The following HABP4 variants were observed in gnomAD, a reference collection of about 807,000 sequenced individuals.
HABP4 encodes the protein hyaluronan binding protein 4, also known as intracellular hyaluronan-binding protein 4.
A neutral mutation model predicts 44.1 loss-of-function variants in HABP4; 32 were observed. The ratio of observed to expected loss-of-function variants is 0.73; its 90% CI spans 0.55 to 0.97. The LOEUF (loss-of-function observed/expected upper bound fraction) is 0.97, where lower values mean the gene tolerates loss of function less well. Ranked by LOEUF, HABP4 falls within the 50% of genes least tolerant of loss-of-function variation. The pLI, the probability that HABP4 is intolerant of heterozygous loss-of-function variation, is 0.00. For synonymous variants in HABP4, 216 were observed against 218.0 expected, an observed-to-expected ratio of 0.99 and a Z score of 0.08; for missense variants, 503 against 561.9, an observed-to-expected ratio of 0.90 and a Z score of 1.06.
intron 2 of HABP4, among the ~76,000 whole-genome samples, chr9:96,462,125 GAC>G (rs1364520289): frequency 2.0e-5 from 3 of 147,440 alleles, no homozygotes; most frequent in Admixed American, 1.4e-4. Flanking sequence ...TATCCTGTGT[GAC>G]ATAGTGAGAT....
At chr9:96,453,165 C>G (rs1402414045) in intron 1 of HABP4, among the ~76,000 whole-genome samples, 1 of 144,218 alleles carries the variant, frequency 6.9e-6, no homozygotes, top group Non-Finnish European at 1.5e-5. Flanking sequence ...CTCCCCGGTT[C>G]AAGCGATTCT....
At chr9:96,454,255 A>C (rs997294150) in intron 1 of HABP4, among the ~76,000 whole-genome samples, 1 of 152,252 alleles carries the variant, frequency 6.6e-6, no homozygotes, top group African/African-American at 2.4e-5. Context: ...GGTTGGAAAT[A>C]GGAAATCTGA....
chr9:96,469,409 C>T (rs760739873), intron 4 of HABP4, among the ~76,000 whole-genome samples: 7 of 152,162 alleles, frequency 4.6e-5, no homozygotes, highest in Non-Finnish European at 8.8e-5. Flanking sequence ...AAGTGTGTAA[C>T]ATCATTTTAT....
chr9:96,455,263 C>T (rs187861759), intron 1 of HABP4, among the ~76,000 whole-genome samples: 3 of 152,002 alleles, frequency 2.0e-5, no homozygotes, highest in Non-Finnish European at 2.9e-5. Context: ...CCAGCCTGGC[C>T]AACATGGTGA....
rs921979250 is a variant in HABP4 at position 96,488,427 on chromosome 9, T to C, written c.1185+153T>C. Among the ~76,000 whole-genome samples the C allele has an allele frequency of 2.0e-5, 3 of 152,182 alleles. No homozygotes were observed. The highest frequency in any genetic ancestry group is 4.4e-5 in the Non-Finnish European group (3 of 68,030). ...ATGTTGGGGCATTTGGACGGTGTTG[T>C]AGCATCATGGACATCTTGCCTAGAG... On this transcript the variant is annotated intron_variant, in intron 7 of 7. Transcript: ENST00000375249. This position sits in a 1 kb window ranked among gnomAD's most constrained non-coding sequence, Gnocchi z 4.6.
intron 2 of HABP4, among the ~76,000 whole-genome samples, chr9:96,462,061 G>T (rs980290932): frequency 6.6e-6 from 1 of 151,406 alleles, no homozygotes; most frequent in Non-Finnish European, 1.5e-5. Context: ...CAGGAGAATC[G>T]CTTGAACCCA....
intron 7 of HABP4, among the ~76,000 whole-genome samples, chr9:96,489,320 A>C (rs923707822): frequency 7.3e-5 from 11 of 151,626 alleles, no homozygotes; most frequent in Non-Finnish European, 1.6e-4. Flanking sequence ...TTGGGAAACC[A>C]CTCTGAGATC....
intron 5 of HABP4, among the ~76,000 whole-genome samples, chr9:96,478,184 G>A (rs559038114): frequency 4.9e-4 from 74 of 151,896 alleles, no homozygotes; most frequent in African/African-American, 1.7e-3. Flanking sequence ...CCAGGCTGGC[G>A]TGCAGTGGTG....
intron 1 of HABP4, 140 bp from the exon 2 acceptor site, chr9:96,458,239 T>G: frequency 1.2e-6 from 1 of 861,086 alleles, no homozygotes; most frequent in Non-Finnish European, 1.9e-6. Context: ...AACTTTTTTC[T>G]TTGAAGTTTT....
At chr9:96,480,674 C>T (rs932509706) in intron 5 of HABP4, among the ~76,000 whole-genome samples, 2 of 152,140 alleles carry the variant, frequency 1.3e-5, no homozygotes, top group Admixed American at 6.6e-5. Context: ...CTAAATAGTT[C>T]AACATGCATA....
intron 1 of HABP4, among the ~76,000 whole-genome samples, chr9:96,454,945 T>C (rs1832348633): frequency 1.3e-5 from 2 of 151,348 alleles, no homozygotes; most frequent in South Asian, 4.2e-4. Flanking sequence ...GAGACCTGTC[T>C]CTACAAAAAA....
At chr9:96,453,565 C>G (rs763368846) in intron 1 of HABP4, among the ~76,000 whole-genome samples, 2 of 152,160 alleles carry the variant, frequency 1.3e-5, no homozygotes, top group African/African-American at 4.8e-5. Context: ...TATATAAACC[C>G]TTGGGTGAGC....
intron 6 of HABP4, among the ~76,000 whole-genome samples, chr9:96,486,796 G>A (rs1482921783): frequency 6.6e-6 from 1 of 152,010 alleles, no homozygotes; most frequent in Non-Finnish European, 1.5e-5. Context: ...TAAGGCACTG[G>A]GCGGTGAAAG....
intron 1 of HABP4, among the ~76,000 whole-genome samples, chr9:96,456,206 A>G (rs777454909): frequency 7.9e-5 from 12 of 152,222 alleles, no homozygotes; most frequent in Non-Finnish European, 1.8e-4. Context: ...AATTAAAATT[A>G]TAGTAGGTTG....
intron 5 of HABP4, among the ~76,000 whole-genome samples, chr9:96,472,229 C>A (rs1293861736): frequency 6.6e-6 from 1 of 152,186 alleles, no homozygotes; most frequent in East Asian, 1.9e-4. Context: ...CACTACAAGT[C>A]ACATCGTGGG....
intron 5 of HABP4, among the ~76,000 whole-genome samples, chr9:96,475,734 G>A (rs1337565479): frequency 1.3e-5 from 2 of 152,184 alleles, no homozygotes; most frequent in Non-Finnish European, 2.9e-5. Flanking sequence ...GGATCTCTGA[G>A]CGTTTCCCTA....
chr9:96,451,146 C>A (rs888309659), intron 1 of HABP4, among the ~76,000 whole-genome samples: 1 of 152,184 alleles, frequency 6.6e-6, no homozygotes, highest in African/African-American at 2.4e-5. Flanking sequence ...GGGTCCCCGG[C>A]GCGGTCCGGC....
At chr9:96,463,206 A>G (rs577254003) in intron 2 of HABP4, among the ~76,000 whole-genome samples, 12 of 152,118 alleles carry the variant, frequency 7.9e-5, no homozygotes, top group South Asian at 2.1e-4. Context: ...TTGGCCTCCC[A>G]AAGTTCTGGG....
chr9:96,453,426 G>A (rs1333632617), intron 1 of HABP4, among the ~76,000 whole-genome samples: 2 of 148,426 alleles, frequency 1.3e-5, no homozygotes, highest in Non-Finnish European at 3.0e-5. Context: ...GTCCAGGCTG[G>A]TCTTGAACTC....
Sources: allele counts gnomAD v4.1 joint callset (sites outside exome capture counted in the v4.1 genomes callset), GRCh38; gene constraint gnomAD v4.1.1; non-coding constraint Gnocchi (gnomAD v3.1); transcripts MANE v1.5; gene names NCBI Gene and HGNC (gene_info 2026-07-23, HGNC 2026-07-21).